RCAN1: variants seen among roughly 807,000 people sequenced by gnomAD.
RCAN1 encodes the protein regulator of calcineurin 1, also known as calcipressin-1.
In RCAN1, 11 loss-of-function variants were observed where a neutral mutation model predicts 22.9. That is an observed-to-expected ratio of 0.48 (90% confidence interval 0.30 to 0.79). The LOEUF (loss-of-function observed/expected upper bound fraction) is 0.79, where lower values mean the gene tolerates loss of function less well. RCAN1 is among the 30% of genes least tolerant of loss of function. The pLI is 0.06. For synonymous variants in RCAN1, 136 were observed against 142.3 expected (o/e 0.96, Z 0.32); for missense variants, 291 against 337.8 (o/e 0.86, Z 1.09).
At chr21:34,594,558 G>GAAC (rs36016810) in intron 1 of RCAN1, among the ~76,000 whole-genome samples, 26,509 of 151,764 alleles carry the variant, frequency 0.17, 2,741 homozygotes, top group South Asian at 0.25. Flanking sequence ...CTCAAAACAA[G>GAAC]AACAACAACA....
intron 2 of RCAN1, chr21:34,522,219 C>T (rs1175698575): frequency 1.3e-5 from 2 of 150,046 alleles, no homozygotes; most frequent in African/African-American, 2.4e-5. Flanking sequence ...TCCCAGGAGA[C>T]TTTAAGAAAT....
At chr21:34,537,508 A>G (rs1985722919) in intron 1 of RCAN1, among the ~76,000 whole-genome samples, 1 of 152,172 alleles carries the variant, frequency 6.6e-6, no homozygotes, top group Non-Finnish European at 1.5e-5. Context: ...GCTCCATTTC[A>G]CTGTGGCCGA....
chr21:34,585,623 G>C (rs1292842959), intron 1 of RCAN1, among the ~76,000 whole-genome samples: 2 of 151,210 alleles, frequency 1.3e-5, no homozygotes, highest in South Asian at 2.1e-4. Flanking sequence ...GGCACCTGTA[G>C]TCCCAGCTAC....
At chr21:34,543,453 C>T (rs139008939) in intron 1 of RCAN1, among the ~76,000 whole-genome samples, 24 of 152,294 alleles carry the variant, frequency 1.6e-4, no homozygotes, top group African/African-American at 5.8e-4. Context: ...GGATTTTGCC[C>T]TAGAAGTAAC....
chr21:34,581,308 A>C (rs1987600771), intron 1 of RCAN1, among the ~76,000 whole-genome samples: 2 of 152,190 alleles, frequency 1.3e-5, no homozygotes, highest in Non-Finnish European at 2.9e-5. Flanking sequence ...GTAGGGTCCA[A>C]ACTGCCTCTG....
At chr21:34,525,314 C>A in intron 1 of RCAN1, 1 of 1,533,294 alleles carries the variant, frequency 6.5e-7, no homozygotes, top group Non-Finnish European at 8.8e-7. Context: ...TTGCATTCCC[C>A]GGCTTTTCTT....
At position 34,614,895 on chromosome 21, in the gene RCAN1, C is replaced by T. The variant is rs773508086; in HGVS notation, c.117G>A (p.Ala39=). The T allele has an allele frequency of 7.0e-7, 1 of 1,437,224 alleles. No homozygotes were observed. The highest frequency in any genetic ancestry group is 9.2e-7 in the Non-Finnish European group (1 of 1,089,398). 89.0% of individuals were successfully genotyped at this position (1,437,224 alleles called of 1,614,324 possible). A position where few individuals can be genotyped will look rare whatever the true frequency, so the allele number is the denominator to read the frequency against. Residue 39 remains alanine, a synonymous_variant, in exon 1 of 4, where the codon GCG becomes GCA. Coordinates refer to ENST00000313806, the MANE Select transcript of RCAN1 (RefSeq NM_004414.7). This position sits in a 1 kb window ranked among gnomAD's most constrained non-coding sequence, Gnocchi z 6.0. ...TLRPFAPLSG[A]AEADEGGGDW... ...CGCCGCCGCCCTCGTCCGCCTCGGC[C>T]GCCCCCGAGAGGGGCGCGAAGGGCC...
At chr21:34,608,128 A>G (rs1013437030) in intron 1 of RCAN1, among the ~76,000 whole-genome samples, 2 of 152,194 alleles carry the variant, frequency 1.3e-5, no homozygotes, top group African/African-American at 4.8e-5. Context: ...GGTGAGTTGT[A>G]TAATTATTTT....
intron 1 of RCAN1, among the ~76,000 whole-genome samples, chr21:34,577,625 G>T (rs1214632944): frequency 6.6e-6 from 1 of 151,948 alleles, no homozygotes; most frequent in African/African-American, 2.4e-5. Flanking sequence ...ACAAACAAAA[G>T]ATCACTCAGG....
chr21:34,587,644 C>T (rs1005125445), intron 1 of RCAN1, among the ~76,000 whole-genome samples: 1 of 152,098 alleles, frequency 6.6e-6, no homozygotes, highest in Non-Finnish European at 1.5e-5. Context: ...ATTGTTACTG[C>T]AGCATTATCA....
chr21:34,607,811 C>G (rs1332949908), intron 1 of RCAN1, among the ~76,000 whole-genome samples: 1 of 152,200 alleles, frequency 6.6e-6, no homozygotes, highest in African/African-American at 2.4e-5. Context: ...GACCACAGAC[C>G]AGTGCCAGTC....
chr21:34,593,088 G>T (rs1030396647), intron 1 of RCAN1, among the ~76,000 whole-genome samples: 2 of 152,180 alleles, frequency 1.3e-5, no homozygotes, highest in Non-Finnish European at 2.9e-5. Flanking sequence ...TTCTCATCTA[G>T]ATTACAATAA....
intron 1 of RCAN1, among the ~76,000 whole-genome samples, chr21:34,530,202 C>G (rs1601141691): frequency 6.6e-6 from 1 of 152,204 alleles, no homozygotes; most frequent in Non-Finnish European, 1.5e-5. Context: ...TTTTAGTCAA[C>G]TGAGAGCTTT....
At chr21:34,530,739 C>T (rs905826281) in intron 1 of RCAN1, among the ~76,000 whole-genome samples, 1 of 150,062 alleles carries the variant, frequency 6.7e-6, no homozygotes, top group Non-Finnish European at 1.5e-5. Flanking sequence ...ATTCTCCTGC[C>T]TCAGCCTCCC....
intron 1 of RCAN1, among the ~76,000 whole-genome samples, chr21:34,566,575 G>A (rs898916370): frequency 1.3e-5 from 2 of 152,096 alleles, no homozygotes; most frequent in Non-Finnish European, 2.9e-5. Context: ...AGGGGCAGAG[G>A]AGGGGTCAGA....
intron 1 of RCAN1, among the ~76,000 whole-genome samples, chr21:34,609,377 CT>C (rs1400297435): frequency 6.6e-6 from 1 of 152,188 alleles, no homozygotes; most frequent in East Asian, 1.9e-4. Flanking sequence ...CCTAATGATT[CT>C]GCATAGACAA....
intron 1 of RCAN1, among the ~76,000 whole-genome samples, chr21:34,587,546 T>C (rs1196195830): frequency 6.6e-6 from 1 of 152,098 alleles, no homozygotes; most frequent in Non-Finnish European, 1.5e-5. Flanking sequence ...ATGAAAATAA[T>C]AGTAAAACAA....
intron 1 of RCAN1, among the ~76,000 whole-genome samples, chr21:34,575,215 C>T (rs1987372104): frequency 6.6e-6 from 1 of 152,186 alleles, no homozygotes; most frequent in African/African-American, 2.4e-5. Flanking sequence ...CTTCAGGATC[C>T]GAGCCTGCAC....
chr21:34,555,969 A>T lies in RCAN1; in HGVS notation c.253-32259T>A, dbSNP rs1435968210. ...TCTCAGCTACTCGGGAGGCTGAGGCAGGAGAATGGTGTGAACCCGGGAGGC... is the reference window on the plus strand; with the variant it reads ...TCTCAGCTACTCGGGAGGCTGAGGCTGGAGAATGGTGTGAACCCGGGAGGC... On this transcript the variant is annotated intron_variant, in intron 1 of 3. Coordinates refer to ENST00000313806, the MANE Select transcript of RCAN1 (RefSeq NM_004414.7). 2.0e-5 allele frequency among the ~76,000 whole-genome samples: 3 copies of T among 151,778 alleles called. No individual in the cohort carries two copies. In the East Asian group the frequency reaches 5.8e-4, roughly 29 times the overall value.
Sources: allele counts gnomAD v4.1 joint callset (sites outside exome capture counted in the v4.1 genomes callset), GRCh38; gene constraint gnomAD v4.1.1; non-coding constraint Gnocchi (gnomAD v3.1); transcripts MANE v1.5; gene names NCBI Gene and HGNC (gene_info 2026-07-23, HGNC 2026-07-21).